NHSL1: variants seen among roughly 807,000 people sequenced by gnomAD.
The protein encoded by NHSL1 is NHS like 1, also known as NHS-like protein 1.
In NHSL1, 48 loss-of-function variants were observed where a neutral mutation model predicts 95.0. The observed-to-expected ratio is 0.51, with a 90% CI of 0.40 to 0.64. The LOEUF is 0.64. Ranked by LOEUF, NHSL1 falls within the 30% of genes least tolerant of loss-of-function variation. The probability of loss-of-function intolerance (pLI) is 0.00; values close to 1 mark genes in which losing one functional copy is unlikely to be tolerated. For missense variants in NHSL1, 1,971 were observed against 2,077.7 expected (o/e 0.95, Z 1.00); for synonymous variants, 783 against 833.9 (o/e 0.94, Z 1.05).
Position 138,433,648 on chromosome 6 carries a change from G to A in NHSL1, c.697C>T (p.His233Tyr), listed in dbSNP as rs1294839947. The change falls in exon 6 of 8, where the codon CAC (histidine) becomes TAC (tyrosine). Residue 233 changes from histidine (H) to tyrosine (Y), a missense_variant. This residue lies in a region of NHSL1 where 1,602 missense variants were observed against 1,654.5 expected (regional missense o/e 0.97). Transcript: ENST00000343505. ...TAGTGATCAGGGGTGTACACTGAGT[G>A]GCCATCAGCATCATCTTGGCCAGTG... Reference protein sequence around the residue: ...SGTGQDDADGHSVYTPDHYST... With the variant: ...SGTGQDDADGYSVYTPDHYST... The A allele has an allele frequency of 6.5e-7, 1 of 1,545,328 alleles. No individual in the cohort carries two copies. Among genetic ancestry groups the A allele is most frequent in the South Asian group, 1.2e-5 (1 of 83,778 alleles).
chr6:138,441,833 C>T (rs1776544074), intron 5 of NHSL1, 150 bp downstream of exon 5: 1 of 629,654 alleles, frequency 1.6e-6, no homozygotes, highest in Non-Finnish European at 2.5e-6. Context: ...AAGATTTGCA[C>T]CTAATGCCTC....
At chr6:138,429,970 G>A in intron 6 of NHSL1, 127 bp from the exon 7 acceptor site, 1 of 914,972 alleles carries the variant, frequency 1.1e-6, no homozygotes, top group Non-Finnish European at 1.6e-6. Context: ...GATGCCGTGG[G>A]TCTGTAGTTT....
intron 2 of NHSL1, among the ~76,000 whole-genome samples, chr6:138,479,547 A>AG (rs1779290645): frequency 6.6e-6 from 1 of 152,152 alleles, no homozygotes; most frequent in South Asian, 2.1e-4. Flanking sequence ...GGCAGGATGG[A>AG]GGGGGCTGTT....
chr6:138,441,910 C>A, intron 5 of NHSL1, 73 bp downstream of exon 5: 1 of 1,359,602 alleles, frequency 7.4e-7, no homozygotes. Context: ...TTTATAAGCA[C>A]CATGAATGAG....
At position 138,431,865 on chromosome 6, in the gene NHSL1, A is replaced by C. The variant is rs1239582924; in HGVS notation, c.2480T>G (p.Val827Gly). The change falls in exon 6 of 8, where the codon GTG becomes GGG. Residue 827 changes from valine to glycine, a missense_variant. Transcript: ENST00000343505. The surrounding 1 kb of genome is among the most constrained non-coding windows in gnomAD (Gnocchi z 4.0). ...QEGSRATMPQ[V>G]PGGSVKPKIM... ...CTTTGGTTTGACTGAACCACCGGGC[A>C]CTTGGGGCATTGTGGCTCTGGACCC... The C allele has an allele frequency of 6.4e-7, 1 of 1,551,696 alleles. No individual in the cohort carries two copies. The highest frequency in any genetic ancestry group is 8.7e-7 in the Non-Finnish European group (1 of 1,146,980).
At chr6:138,481,811 C>T (rs747887171) in intron 2 of NHSL1, among the ~76,000 whole-genome samples, 1 of 152,160 alleles carries the variant, frequency 6.6e-6, no homozygotes, top group African/African-American at 2.4e-5. Flanking sequence ...AAGTATTAAA[C>T]TCAAATTTGC....
At chr6:138,552,031 C>T (rs1192540145) in intron 1 of NHSL1, among the ~76,000 whole-genome samples, 1 of 152,182 alleles carries the variant, frequency 6.6e-6, no homozygotes, top group Non-Finnish European at 1.5e-5. Context: ...TTCATGGAGG[C>T]TCTTCAATGG....
intron 3 of NHSL1, chr6:138,464,107 A>G (rs757921357): frequency 2.0e-6 from 1 of 508,996 alleles, no homozygotes; most frequent in Non-Finnish European, 3.6e-6. Flanking sequence ...TCAGGTGTTC[A>G]GCTATCCTCA....
At chr6:138,478,702 A>C (rs1779238785) in intron 2 of NHSL1, among the ~76,000 whole-genome samples, 1 of 152,254 alleles carries the variant, frequency 6.6e-6, no homozygotes, top group South Asian at 2.1e-4. Context: ...TAAATGTAAA[A>C]GAAGACCAAT....
upstream of NHSL1, among the ~76,000 whole-genome samples, chr6:138,547,933 T>G (rs942202175): frequency 6.6e-6 from 1 of 152,238 alleles, no homozygotes; most frequent in Non-Finnish European, 1.5e-5. Flanking sequence ...ATGGGTTACA[T>G]TTAACTTTTC....
chr6:138,617,634 T>G (rs1317303493), intron 1 of NHSL1, among the ~76,000 whole-genome samples: 1 of 152,156 alleles, frequency 6.6e-6, no homozygotes, highest in African/African-American at 2.4e-5. Flanking sequence ...AAATAGACAA[T>G]GAGAACAATG....
rs376582490 is a variant in NHSL1 at position 138,527,310 on chromosome 6, G to A, written c.16+18313C>T. Among the ~76,000 whole-genome samples the A allele has an allele frequency of 1.9e-4, 29 of 152,028 alleles. No homozygotes were observed. The South Asian group carries it at 5.6e-3, about 29-fold the overall frequency. The stretch of plus-strand genomic sequence containing the variant: ...CCAAAAATCATACAGACATTTAGAG[G>A]ATCGCTCTGAGTTTGCTCACAAACT... On this transcript the variant is annotated intron_variant, in intron 1 of 4. Coordinates refer to the NHSL1 transcript ENST00000342260.
upstream of NHSL1, among the ~76,000 whole-genome samples, chr6:138,500,197 G>A (rs1217415862): frequency 6.6e-6 from 1 of 152,120 alleles, no homozygotes; most frequent in African/African-American, 2.4e-5. Context: ...TTAGGCTCCT[G>A]GTTTTCAGAA....
chr6:138,499,253 A>G lies in NHSL1; in HGVS notation c.38T>C (p.Ile13Thr), dbSNP rs1463303381. 1.1e-5 allele frequency: 17 copies of G among 1,550,122 alleles called. No homozygotes were observed. The highest frequency in any genetic ancestry group is 1.5e-5 in the Non-Finnish European group (17 of 1,145,856). Reference protein sequence around the residue: ...VFINAKIKSLIKLFKKKTVSN... With the variant: ...VFINAKIKSLTKLFKKKTVSN... ...CTTACTTTTCTTCTTAAAAAGTTTA[A>G]TTAAAGACTTAATCTTTGCATTAAT... Residue 13 changes from isoleucine to threonine, a missense_variant, in exon 1 of 8, where the codon ATT becomes ACT. Around this residue, in one of 3 missense-constraint regions of NHSL1, gnomAD observed 1,602 missense variants for 1,654.5 expected, o/e 0.97. Coordinates refer to ENST00000343505, the MANE Select transcript of NHSL1 (RefSeq NM_001144060.2).
At chr6:138,669,449 G>A (rs536588254) in intron 1 of NHSL1, among the ~76,000 whole-genome samples, 14 of 152,210 alleles carry the variant, frequency 9.2e-5, no homozygotes, top group East Asian at 7.7e-4. Context: ...AGGTATTGGC[G>A]GTAATAAGGA....
At chr6:138,496,881 T>TA in intron 1 of NHSL1, among the ~76,000 whole-genome samples, 1 of 152,368 alleles carries the variant, frequency 6.6e-6, no homozygotes, top group East Asian at 1.9e-4. Context: ...ATTACATTTT[T>TA]AAAAAATTAA....
In NHSL1 at chr6:138,424,708, A is replaced by C; in HGVS notation, c.4194T>G (p.Ser1398=). The change falls in exon 8 of 8, where the codon TCT becomes TCG. Residue 1398 remains serine, a synonymous_variant. Transcript: ENST00000343505. The surrounding 1 kb of genome is among the most constrained non-coding windows in gnomAD (Gnocchi z 5.9). ...TPTGAAPSLA[S]PKQVGSIQRS... is the part of the protein sequence containing the mutation. ...TCTGAATCGACCCCACTTGCTTTGGAGAGGCCAGGCTTGGGGCAGCGCCGG... is the reference window on the plus strand; with the variant it reads ...TCTGAATCGACCCCACTTGCTTTGGCGAGGCCAGGCTTGGGGCAGCGCCGG... 6.4e-7 allele frequency: 1 copy of C among 1,551,476 alleles called. No individual in the cohort carries two copies. Among genetic ancestry groups the C allele is most frequent in the African/African-American group, 1.4e-5 (1 of 73,104 alleles).
chr6:138,602,634 T>A (rs1784386829), intron 1 of NHSL1, among the ~76,000 whole-genome samples: 1 of 152,196 alleles, frequency 6.6e-6, no homozygotes. Context: ...TGAGCCACCA[T>A]GCCCAGCCGG....
rs1489069692 is a variant in NHSL1, at chr6:138,645,189, T to C, written c.96+47287A>G. Among the ~76,000 whole-genome samples, 3 of 152,234 alleles carry C rather than the reference T, an allele frequency of 2.0e-5. No homozygotes were observed. In the East Asian group the frequency reaches 5.8e-4, roughly 29 times the overall value. On this transcript the variant is annotated intron_variant, in intron 1 of 3. Coordinates refer to the NHSL1 transcript ENST00000491526. ...AGGATAATAGAGTTATATATGATAATCATTTTCAATAAGGTCCATAAACAC... is the reference window on the plus strand; with the variant it reads ...AGGATAATAGAGTTATATATGATAACCATTTTCAATAAGGTCCATAAACAC...
Sources: gnomAD v4.1 joint callset for allele counts (sites outside exome capture counted in the v4.1 genomes callset) on GRCh38, gnomAD v4.1.1 for gene constraint, gnomAD v4.1.1 regional missense constraint, Gnocchi (gnomAD v3.1) non-coding constraint, MANE v1.5 for transcripts, NCBI Gene and HGNC (gene_info 2026-07-23, HGNC 2026-07-21) for gene names.